MINPP1: variants seen among roughly 807,000 people sequenced by gnomAD.
MINPP1 encodes the protein multiple inositol-polyphosphate phosphatase 1, also known as multiple inositol polyphosphate phosphatase 1.
In MINPP1, 28 loss-of-function variants were observed where a neutral mutation model predicts 46.1. The ratio of observed to expected loss-of-function variants is 0.61; its 90% CI spans 0.45 to 0.83. MINPP1 has a LOEUF of 0.83. MINPP1 is among the 40% of genes least tolerant of loss of function. MINPP1 has a pLI of 0.00. For synonymous variants in MINPP1, 268 were observed against 249.1 expected, an observed-to-expected ratio of 1.08 and a Z score of -0.72; for missense variants, 603 against 610.0, an observed-to-expected ratio of 0.99 and a Z score of 0.12.
intron 1 of MINPP1, among the ~76,000 whole-genome samples, chr10:87,506,912 GT>G (rs889038883): frequency 1.3e-5 from 2 of 151,506 alleles, no homozygotes; most frequent in African/African-American, 4.9e-5. Context: ...GTTGAACTGT[GT>G]TTTTTTTTAA....
intron 4 of MINPP1, among the ~76,000 whole-genome samples, chr10:87,527,771 C>G (rs1035698391): frequency 2.6e-5 from 4 of 152,106 alleles, no homozygotes; most frequent in Non-Finnish European, 4.4e-5. Context: ...GGAATAGTTT[C>G]AGAAGGAATG....
Position 87,552,776 on chromosome 10 carries a change from T to C in MINPP1, c.*298T>C. 2 of 384,780 alleles carry C rather than the reference T, an allele frequency of 5.2e-6. No individual in the cohort carries two copies. The highest frequency in any genetic ancestry group is 8.4e-5 in the Admixed American group (2 of 23,808). The allele number at this position is 384,780 out of a possible 1,614,324, so 23.8% of individuals were successfully genotyped here. The stretch of plus-strand genomic sequence containing the variant: ...TAAGAAATCTCACACTGAGATAGAA[T>C]TGTGATTTCATAATAACACTTGAAA... On this transcript the variant is annotated 3_prime_UTR_variant, in exon 5 of 5. Coordinates refer to ENST00000371996, the MANE Select transcript of MINPP1 (RefSeq NM_004897.5).
intron 3 of MINPP1, among the ~76,000 whole-genome samples, chr10:87,515,882 G>A (rs1175192351): frequency 2.8e-5 from 4 of 141,228 alleles, no homozygotes; most frequent in Admixed American, 2.2e-4. Flanking sequence ...AGGCTGGAGT[G>A]CAGTGGCCCA....
intron 1 of MINPP1, chr10:87,507,912 G>A: frequency 1.1e-5 from 13 of 1,197,506 alleles, no homozygotes; most frequent in Non-Finnish European, 1.3e-5. Flanking sequence ...GGTTAATTGA[G>A]AAAATAAAAT....
At chr10:87,506,685 G>A (rs1035426509) in intron 1 of MINPP1, among the ~76,000 whole-genome samples, 12 of 152,160 alleles carry the variant, frequency 7.9e-5, no homozygotes, top group African/African-American at 2.9e-4. Flanking sequence ...CCACAGAGAT[G>A]AGCAAGCATT....
At chr10:87,548,610 C>T (rs1227010740) in intron 4 of MINPP1, among the ~76,000 whole-genome samples, 1 of 151,824 alleles carries the variant, frequency 6.6e-6, no homozygotes, top group Non-Finnish European at 1.5e-5. Context: ...TTAATACTTT[C>T]CATTATCACA....
At chr10:87,521,419 A>G (rs1851499797) in intron 4 of MINPP1, among the ~76,000 whole-genome samples, 1 of 152,104 alleles carries the variant, frequency 6.6e-6, no homozygotes, top group South Asian at 2.1e-4. Context: ...CAACTATTCC[A>G]TTTTCCTGCC....
In MINPP1 at chr10:87,505,246, G is replaced by A. The variant is rs1851224223; in HGVS notation, c.331G>A (p.Ala111Thr). The change falls in exon 1 of 5, where the codon GCC (alanine) becomes ACC (threonine). Residue 111 changes from alanine (A) to threonine (T), a missense_variant. This residue lies in a region of MINPP1 where 239 missense variants were observed against 189.4 expected (regional missense o/e 1.26). Transcript: ENST00000371996. The surrounding 1 kb of genome is among the most constrained non-coding windows in gnomAD (Gnocchi z 4.4). ...KLRQLHGLLQ[A>T]RGSRDGGASS... The stretch of plus-strand genomic sequence containing the variant: ...GAGGCAGCTGCACGGGTTGCTGCAG[G>A]CCCGCGGGTCCAGGGATGGCGGGGC... The A allele has an allele frequency of 3.1e-6, 5 of 1,612,576 alleles. No individual in the cohort carries two copies. Among genetic ancestry groups the A allele is most frequent in the Non-Finnish European group, 2.5e-6 (3 of 1,179,164 alleles).
chr10:87,527,548 G>T (rs550411710), intron 4 of MINPP1, among the ~76,000 whole-genome samples: 1 of 152,054 alleles, frequency 6.6e-6, no homozygotes, highest in Non-Finnish European at 1.5e-5. Context: ...TTTTCCTTTG[G>T]TTCTGTTTAT....
intron 4 of MINPP1, among the ~76,000 whole-genome samples, chr10:87,531,738 T>C (rs1851663569): frequency 6.6e-6 from 1 of 152,228 alleles, no homozygotes; most frequent in Non-Finnish European, 1.5e-5. Flanking sequence ...GTTGAAACTT[T>C]TAAAATTATT....
At chr10:87,514,533 T>C (rs1851384041) in intron 3 of MINPP1, among the ~76,000 whole-genome samples, 1 of 152,182 alleles carries the variant, frequency 6.6e-6, no homozygotes, top group South Asian at 2.1e-4. Flanking sequence ...TTGTCCTTCG[T>C]ACATTGGCGT....
Position 87,505,509 on chromosome 10 carries a change from G to C in MINPP1, c.594G>C (p.Leu198=), listed in dbSNP as rs1462724905. Residue 198 remains leucine (L), a synonymous_variant, in exon 1 of 5, where the codon CTG becomes CTC. Coordinates refer to ENST00000371996, the MANE Select transcript of MINPP1 (RefSeq NM_004897.5). This position sits in a 1 kb window ranked among gnomAD's most constrained non-coding sequence, Gnocchi z 4.4. Reference sequence around the variant, plus strand: ...GCAGCGCCGCCTTCCTGCAGGGGCTGTGGCAGCACTACCACCCTGGCTTGC... The same window carrying C: ...GCAGCGCCGCCTTCCTGCAGGGGCTCTGGCAGCACTACCACCCTGGCTTGC... ...MDSSAAFLQG[L]WQHYHPGLPP... 1.2e-6 allele frequency: 2 copies of C among 1,611,902 alleles called. No individual in the cohort carries two copies. Among genetic ancestry groups the C allele is most frequent in the Non-Finnish European group, 1.7e-6 (2 of 1,179,636 alleles).
chr10:87,508,687 G>T (rs1184607822), intron 2 of MINPP1, among the ~76,000 whole-genome samples, 154 bp downstream of exon 2: 1 of 152,036 alleles, frequency 6.6e-6, no homozygotes, highest in Non-Finnish European at 1.5e-5. Context: ...TGTATACCTT[G>T]TGCTTACTAT....
chr10:87,519,445 C>T (rs1159576936), intron 3 of MINPP1, among the ~76,000 whole-genome samples: 6 of 152,128 alleles, frequency 3.9e-5, no homozygotes, highest in African/African-American at 1.4e-4. Context: ...GCTCTGAGCC[C>T]CGTTCAAGGC....
At chr10:87,511,006 G>C (rs893503004) in intron 2 of MINPP1, among the ~76,000 whole-genome samples, 1 of 151,990 alleles carries the variant, frequency 6.6e-6, no homozygotes, top group African/African-American at 2.4e-5. Flanking sequence ...ATAGTATCTA[G>C]CTTTAATTTG....
intron 2 of MINPP1, among the ~76,000 whole-genome samples, chr10:87,512,189 T>G (rs1851344440): frequency 1.3e-5 from 2 of 152,220 alleles, no homozygotes; most frequent in African/African-American, 2.4e-5. Context: ...CAAAGGCTAC[T>G]TTTTATAGCC....
At chr10:87,550,951 T>C (rs1410645160) in intron 4 of MINPP1, among the ~76,000 whole-genome samples, 1 of 152,006 alleles carries the variant, frequency 6.6e-6, no homozygotes, top group African/African-American at 2.4e-5. Flanking sequence ...AGCTGCTATA[T>C]CCAGTTCACA....
chr10:87,553,158 A>G lies in MINPP1; in HGVS notation c.*680A>G, dbSNP rs546926854. 1 of 152,272 alleles carries G rather than the reference A, an allele frequency of 6.6e-6. No homozygotes were observed. The highest frequency in any genetic ancestry group is 2.1e-4 in the South Asian group (1 of 4,830). The allele number at this position is 152,272 out of a possible 1,614,324, so 9.4% of individuals were successfully genotyped here. On this transcript the variant is annotated 3_prime_UTR_variant, in exon 5 of 5. Transcript: ENST00000371996. ...TCTCAAAAGACCATCTTAAATTATT[A>G]TATGTTTGGACAATTAGCAACAAGT...
At position 87,527,374 on chromosome 10, in the gene MINPP1, T is replaced by C. The variant is rs375751688; in HGVS notation, c.1067+6205T>C. On this transcript the variant is annotated intron_variant, in intron 4 of 4. Coordinates refer to ENST00000371996, the MANE Select transcript of MINPP1 (RefSeq NM_004897.5). ...AGTTTTCAAAGGGAATGCTTCCAGTTTTTGCCCATTCAGTATGATATTGGT... is the reference window on the plus strand; with the variant it reads ...AGTTTTCAAAGGGAATGCTTCCAGTCTTTGCCCATTCAGTATGATATTGGT... Among the ~76,000 whole-genome samples the C allele has an allele frequency of 1.2e-4, 19 of 152,300 alleles. No individual in the cohort carries two copies. The East Asian group carries it at 2.5e-3, about 20-fold the overall frequency.
Sources: gnomAD v4.1 joint callset for allele counts (sites outside exome capture counted in the v4.1 genomes callset) on GRCh38, gnomAD v4.1.1 for gene constraint, gnomAD v4.1.1 regional missense constraint, Gnocchi (gnomAD v3.1) non-coding constraint, MANE v1.5 for transcripts, NCBI Gene and HGNC (gene_info 2026-07-23, HGNC 2026-07-21) for gene names.